The following CCDC91 variants were observed in gnomAD, a reference collection of about 807,000 sequenced individuals.
The protein encoded by CCDC91 is coiled-coil domain containing 91.
CCDC91 carries 48 observed loss-of-function variants against 63.2 expected under a neutral mutation model. The observed-to-expected ratio is 0.76, with a 90% CI of 0.60 to 0.97. The LOEUF is 0.97. Among genes scored for constraint, CCDC91 ranks in the 50% least tolerant of loss-of-function variants. The pLI, the probability that CCDC91 is intolerant of heterozygous loss-of-function variation, is 0.00. For synonymous variants in CCDC91, 167 were observed against 165.8 expected, an observed-to-expected ratio of 1.01 and a Z score of -0.06; for missense variants, 500 against 494.6, an observed-to-expected ratio of 1.01 and a Z score of -0.10.
chr12:28,212,496 G>T (rs575488891), intron 1 of CCDC91, among the ~76,000 whole-genome samples: 2 of 152,314 alleles, frequency 1.3e-5, no homozygotes, highest in Admixed American at 1.3e-4. Context: ...GATTGGCCAA[G>T]ACTCAGCTCT....
In CCDC91 at chr12:28,449,492, A is replaced by T. The variant is rs568927557; in HGVS notation, c.763-669A>T. Among the ~76,000 whole-genome samples, 3 of 152,190 alleles carry T rather than the reference A, an allele frequency of 2.0e-5. No individual in the cohort carries two copies. The East Asian group carries it at 5.8e-4, about 29-fold the overall frequency. ...GAGGCTGCAAAAGTTGAATATTCTC[A>T]GAAAGGTCTATTGAAACATCAAGTG... On this transcript the variant is annotated intron_variant, in intron 8 of 12. Coordinates refer to ENST00000536442, the MANE Select transcript of CCDC91 (RefSeq NM_018318.5).
chr12:28,447,311 C>T (rs11049611), intron 8 of CCDC91, among the ~76,000 whole-genome samples: 30,661 of 151,710 alleles, frequency 0.2, 4,065 homozygotes, highest in Non-Finnish European at 0.3. Flanking sequence ...CAGAATACTA[C>T]TTATATATAA....
chr12:28,224,497 G>A (rs538323067), intron 1 of CCDC91, among the ~76,000 whole-genome samples: 1 of 151,952 alleles, frequency 6.6e-6, no homozygotes, highest in South Asian at 2.1e-4. Context: ...TGACTTGTTT[G>A]TGATTCCAGC....
chr12:28,260,276 C>G (rs1946738260), intron 3 of CCDC91, among the ~76,000 whole-genome samples: 1 of 151,898 alleles, frequency 6.6e-6, no homozygotes, highest in African/African-American at 2.4e-5. Context: ...AAGTAGTAAC[C>G]TGGCAGCTGG....
chr12:28,402,733 G>T (rs1946716152), intron 8 of CCDC91, among the ~76,000 whole-genome samples: 1 of 151,784 alleles, frequency 6.6e-6, no homozygotes, highest in African/African-American at 2.4e-5. Context: ...TGATTTTATT[G>T]GAAAAGCTTC....
intron 8 of CCDC91, among the ~76,000 whole-genome samples, chr12:28,434,594 G>GTTT (rs376645678): frequency 6.4e-3 from 473 of 73,352 alleles, no homozygotes; most frequent in Non-Finnish European, 8.4e-3. Context: ...CCTTGGTCTG[G>GTTT]TTTTTTTTTT....
intron 11 of CCDC91, among the ~76,000 whole-genome samples, chr12:28,464,124 C>CT (rs1950438712): frequency 1.3e-5 from 2 of 152,130 alleles, no homozygotes; most frequent in Non-Finnish European, 2.9e-5. Flanking sequence ...CTGACTCCTG[C>CT]CCACTGAGTG....
intron 11 of CCDC91, among the ~76,000 whole-genome samples, chr12:28,483,625 C>A (rs1359642126): frequency 6.6e-6 from 1 of 152,072 alleles, no homozygotes; most frequent in Admixed American, 6.6e-5. Flanking sequence ...TCTTACCACT[C>A]AGACCACACT....
chr12:28,228,103 A>G (rs1944381605), intron 1 of CCDC91, among the ~76,000 whole-genome samples: 1 of 151,986 alleles, frequency 6.6e-6, no homozygotes, highest in Non-Finnish European at 1.5e-5. Flanking sequence ...TAGTAACTTC[A>G]TTTGTAGTTA....
At chr12:28,233,330 A>G (rs1258608305) in intron 1 of CCDC91, among the ~76,000 whole-genome samples, 1 of 152,158 alleles carries the variant, frequency 6.6e-6, no homozygotes, top group Non-Finnish European at 1.5e-5. Flanking sequence ...CTTCATATAG[A>G]TGAAATTTTA....
intron 1 of CCDC91, among the ~76,000 whole-genome samples, chr12:28,195,829 C>T (rs1222617454): frequency 6.6e-6 from 1 of 152,114 alleles, no homozygotes; most frequent in Non-Finnish European, 1.5e-5. Context: ...TCCTGTCCCA[C>T]TGCTATGGCT....
chr12:28,207,619 C>T (rs1279615002), intron 1 of CCDC91, among the ~76,000 whole-genome samples: 4 of 152,148 alleles, frequency 2.6e-5, no homozygotes, highest in Non-Finnish European at 4.4e-5. Context: ...AATGGCCCAT[C>T]AGGTAGGCAA....
chr12:28,239,061 A>C (rs1373877803), intron 1 of CCDC91, among the ~76,000 whole-genome samples: 2 of 151,784 alleles, frequency 1.3e-5, no homozygotes, highest in African/African-American at 4.8e-5. Flanking sequence ...CGGAGGTTGC[A>C]GTGAGCTGAG....
intron 8 of CCDC91, among the ~76,000 whole-genome samples, chr12:28,396,212 G>A (rs935984437): frequency 3.3e-5 from 5 of 152,078 alleles, no homozygotes; most frequent in African/African-American, 1.2e-4. Flanking sequence ...AGAGGCAGAT[G>A]GAATTGCATA....
chr12:28,253,912 CTT>C (rs1946281564), intron 1 of CCDC91, among the ~76,000 whole-genome samples: 1 of 152,090 alleles, frequency 6.6e-6, no homozygotes, highest in South Asian at 2.1e-4. Flanking sequence ...TTTTTCTTCT[CTT>C]TTGAGACTCT....
At chr12:28,507,199 G>T (rs1338364234) in intron 12 of CCDC91, among the ~76,000 whole-genome samples, 1 of 151,918 alleles carries the variant, frequency 6.6e-6, no homozygotes, top group Admixed American at 6.6e-5. Flanking sequence ...CATAGTTATT[G>T]CCATCTGGAG....
intron 12 of CCDC91, among the ~76,000 whole-genome samples, chr12:28,493,346 G>A (rs1336967322): frequency 6.6e-6 from 1 of 151,572 alleles, no homozygotes; most frequent in Non-Finnish European, 1.5e-5. Context: ...AATATTCTAG[G>A]AATTATTACT....
chr12:28,318,822 A>G (rs1333649301), intron 6 of CCDC91, among the ~76,000 whole-genome samples: 2 of 152,022 alleles, frequency 1.3e-5, no homozygotes, highest in African/African-American at 4.8e-5. Context: ...TTCAAAATCT[A>G]CAAACTAATT....
At chr12:28,332,436 A>G (rs1941589661) in intron 6 of CCDC91, among the ~76,000 whole-genome samples, 1 of 152,216 alleles carries the variant, frequency 6.6e-6, no homozygotes, top group Non-Finnish European at 1.5e-5. Flanking sequence ...GCATGACCTA[A>G]AAATATGATA....
Sources: allele counts gnomAD v4.1 joint callset (sites outside exome capture counted in the v4.1 genomes callset), GRCh38; gene constraint gnomAD v4.1.1; transcripts MANE v1.5; gene names NCBI Gene and HGNC (gene_info 2026-07-23, HGNC 2026-07-21).